Variants in USP37 observed in about 807,000 individuals in gnomAD.
USP37 encodes the protein ubiquitin specific peptidase 37, also known as ubiquitin carboxyl-terminal hydrolase 37.
USP37 carries 27 observed loss-of-function variants against 124.0 expected under a neutral mutation model. That is an observed-to-expected ratio of 0.22 (90% CI 0.16 to 0.30). The LOEUF (loss-of-function observed/expected upper bound fraction) is 0.30, where lower values mean the gene tolerates loss of function less well. USP37 is among the 10% of genes least tolerant of loss of function. The pLI, the probability that USP37 is intolerant of heterozygous loss-of-function variation, is 1.00. For synonymous variants in USP37, 365 were observed against 388.0 expected (o/e 0.94, Z 0.70); for missense variants, 889 against 1,140.4 (o/e 0.78, Z 3.17).
chr2:218,554,549 C>T (rs1436827741), intron 4 of USP37, among the ~76,000 whole-genome samples: 1 of 152,062 alleles, frequency 6.6e-6, no homozygotes, highest in Admixed American at 6.6e-5. Flanking sequence ...GAGTTCAAGA[C>T]CAGCCTGGCC....
At chr2:218,460,091 C>CAA (rs55945023) in intron 22 of USP37, among the ~76,000 whole-genome samples, 186 bp from the exon 23 acceptor site, 65,051 of 117,958 alleles carry the variant, frequency 0.55, 18,280 homozygotes, top group East Asian at 0.77. Flanking sequence ...ACTAAAAATA[C>CAA]AAAAAAAAAA....
intron 10 of USP37, among the ~76,000 whole-genome samples, chr2:218,510,905 A>G (rs757555268): frequency 6.6e-6 from 1 of 152,096 alleles, no homozygotes; most frequent in Non-Finnish European, 1.5e-5. Flanking sequence ...TGAGGTGGGC[A>G]GACTGATTGA....
intron 11 of USP37, among the ~76,000 whole-genome samples, chr2:218,509,029 G>A (rs1020499987): frequency 2.6e-5 from 4 of 152,062 alleles, no homozygotes; most frequent in African/African-American, 7.2e-5. Context: ...TTTTACTTCC[G>A]ACAATTTATC....
intron 11 of USP37, among the ~76,000 whole-genome samples, chr2:218,501,515 T>C (rs1362226265): frequency 6.6e-6 from 1 of 151,970 alleles, no homozygotes. Flanking sequence ...CTGGACAAAA[T>C]AGAGAAAACA....
intron 13 of USP37, among the ~76,000 whole-genome samples, chr2:218,497,106 T>G (rs897485304): frequency 1.8e-4 from 27 of 152,206 alleles, no homozygotes; most frequent in African/African-American, 6.0e-4. Flanking sequence ...AGTCTTGCCC[T>G]GTAGCCCAGG....
chr2:218,501,971 A>C (rs1689411856), intron 11 of USP37, among the ~76,000 whole-genome samples: 1 of 152,204 alleles, frequency 6.6e-6, no homozygotes, highest in Non-Finnish European at 1.5e-5. Context: ...AATTTACACC[A>C]GTCAGAGTAG....
At chr2:218,486,145 T>G (rs955528734) in intron 15 of USP37, 1 of 158,922 alleles carries the variant, frequency 6.3e-6, no homozygotes, top group East Asian at 1.8e-4. Flanking sequence ...TCTTGTCTGT[T>G]AGGTGTAACG....
chr2:218,484,332 A>G (rs1306994382), intron 16 of USP37, among the ~76,000 whole-genome samples: 1 of 151,418 alleles, frequency 6.6e-6, no homozygotes, highest in East Asian at 2.0e-4. Context: ...TTTAAAACCA[A>G]CTTCCTTGGC....
intron 17 of USP37, 111 bp downstream of exon 17, chr2:218,481,959 T>C: frequency 7.8e-7 from 1 of 1,280,566 alleles, no homozygotes; most frequent in East Asian, 2.5e-5. Context: ...TGGCCATTGA[T>C]CTGATTTTAC....
chr2:218,479,506 G>A lies in USP37; in HGVS notation c.1901+144C>T. 3 of 648,206 alleles carry A rather than the reference G, an allele frequency of 4.6e-6. No homozygotes were observed. In the South Asian group the frequency reaches 5.4e-5, roughly 12 times the overall value. 40.2% of individuals were successfully genotyped at this position (648,206 alleles called of 1,614,324 possible). On this transcript the variant is annotated intron_variant, in intron 18 of 25. Coordinates refer to ENST00000258399, the MANE Select transcript of USP37 (RefSeq NM_020935.3). ...TTCAATATATTCTAAACCAAATTCA[G>A]GAAAGTTTCAAAAGTATAGGTAATA...
At chr2:218,465,701 G>A (rs1447652900) in intron 21 of USP37, among the ~76,000 whole-genome samples, 2 of 152,072 alleles carry the variant, frequency 1.3e-5, no homozygotes, top group African/African-American at 2.4e-5. Context: ...GGGACTACAG[G>A]TGTGTGCCAC....
intron 18 of USP37, among the ~76,000 whole-genome samples, chr2:218,477,665 T>G (rs1464495230): frequency 6.6e-6 from 1 of 152,120 alleles, no homozygotes; most frequent in Non-Finnish European, 1.5e-5. Context: ...TTGTAATAAT[T>G]AAGAGCCTCT....
At chr2:218,489,730 G>A (rs917794483) in intron 14 of USP37, among the ~76,000 whole-genome samples, 10 of 151,798 alleles carry the variant, frequency 6.6e-5, no homozygotes, top group African/African-American at 9.7e-5. Flanking sequence ...CACCTGCCTC[G>A]GCCTCCCAAA....
rs779707943 is a variant in USP37 at position 218,454,179 on chromosome 2, A to G, written c.*751T>C. On this transcript the variant is annotated 3_prime_UTR_variant, in exon 26 of 26. Coordinates refer to ENST00000258399, the MANE Select transcript of USP37 (RefSeq NM_020935.3). ...GAAATCTCCTTAGAGAAAACAAAGT[A>G]TATAAGAAATATCAAATGTGGGACT... 4.6e-5 allele frequency: 7 copies of G among 152,674 alleles called. No individual in the cohort carries two copies. The highest frequency in any genetic ancestry group is 9.6e-5 in the African/African-American group (4 of 41,460). 9.5% of individuals were successfully genotyped at this position (152,674 alleles called of 1,614,324 possible).
Position 218,488,264 on chromosome 2 carries a change from T to C in USP37, c.1590+40A>G, listed in dbSNP as rs1006525346. 3.1e-6 allele frequency: 4 copies of C among 1,306,762 alleles called. No individual in the cohort carries two copies. The African/African-American group carries it at 6.1e-5, about 20-fold the overall frequency. 80.9% of individuals were successfully genotyped at this position (1,306,762 alleles called of 1,614,324 possible). ...TATTCAAATACAACTATCAATGATATAAAATTTAGTTATGTGAAAATACAA... is the reference window on the plus strand; with the variant it reads ...TATTCAAATACAACTATCAATGATACAAAATTTAGTTATGTGAAAATACAA... On this transcript the variant is annotated intron_variant, in intron 15 of 25. Transcript: ENST00000258399.
intron 10 of USP37, among the ~76,000 whole-genome samples, chr2:218,510,394 G>A (rs980825740): frequency 6.6e-6 from 1 of 151,978 alleles, no homozygotes; most frequent in Non-Finnish European, 1.5e-5. Flanking sequence ...GCTTGAAAAA[G>A]AAAACAATAC....
intron 8 of USP37, among the ~76,000 whole-genome samples, chr2:218,537,010 G>C (rs1030775847): frequency 6.6e-6 from 1 of 151,986 alleles, no homozygotes; most frequent in Non-Finnish European, 1.5e-5. Flanking sequence ...ATCGTATTGG[G>C]GTAATGGAAA....
intron 19 of USP37, among the ~76,000 whole-genome samples, chr2:218,475,355 C>T (rs1194853895): frequency 2.6e-5 from 4 of 152,000 alleles, no homozygotes; most frequent in Non-Finnish European, 5.9e-5. Flanking sequence ...AGGTGGCTCA[C>T]GCCTGTAATC....
chr2:218,542,425 C>T (rs942126606), intron 8 of USP37, among the ~76,000 whole-genome samples: 52 of 152,230 alleles, frequency 3.4e-4, no homozygotes, highest in African/African-American at 1.1e-3. Context: ...GGTGTACCTC[C>T]CTGATGTGCA....
Sources: gnomAD v4.1 joint callset for allele counts (sites outside exome capture counted in the v4.1 genomes callset) on GRCh38, gnomAD v4.1.1 for gene constraint, MANE v1.5 for transcripts, NCBI Gene and HGNC (gene_info 2026-07-23, HGNC 2026-07-21) for gene names.